DACH2: variants seen among roughly 807,000 people sequenced by gnomAD.
DACH2 encodes the protein dachshund homolog 2.
DACH2 carries 17 observed loss-of-function variants against 35.8 expected under a neutral mutation model. The ratio of observed to expected loss-of-function variants is 0.48; its 90% confidence interval spans 0.33 to 0.71. The LOEUF is 0.71. Among genes scored for constraint, DACH2 ranks in the 30% least tolerant of loss-of-function variants. DACH2 has a pLI of 0.02. For missense variants in DACH2, 469 were observed against 472.7 expected, an observed-to-expected ratio of 0.99 and a Z score of 0.07; for synonymous variants, 195 against 177.3, an observed-to-expected ratio of 1.10 and a Z score of -0.79.
intron 4 of DACH2, among the ~76,000 whole-genome samples, chrX:86,690,923 A>G (rs1429252814): frequency 1.8e-5 from 2 of 111,906 alleles, no homozygotes; most frequent in African/African-American, 3.2e-5. Flanking sequence ...TTGTGCTAAA[A>G]CAGTGATAAG....
intron 5 of DACH2, among the ~76,000 whole-genome samples, chrX:86,696,614 C>T (rs1203128382): frequency 9.0e-6 from 1 of 111,494 alleles, no homozygotes; most frequent in Non-Finnish European, 1.9e-5. Context: ...TCACAGAGCT[C>T]CACCATGCTG....
intron 11 of DACH2, chrX:86,830,402 T>C (rs1372968389): frequency 8.9e-6 from 1 of 111,881 alleles, no homozygotes; most frequent in African/African-American, 3.2e-5. Context: ...TCTCAATTTA[T>C]TGTATTCTGG....
chrX:86,409,304 G>A (rs1398152071), intron 2 of DACH2, among the ~76,000 whole-genome samples: 1 of 111,630 alleles, frequency 9.0e-6, no homozygotes, highest in Non-Finnish European at 1.9e-5. Context: ...AGCACATGGA[G>A]TAGTAATATG....
chrX:86,737,007 A>G (rs182969289), intron 6 of DACH2, among the ~76,000 whole-genome samples: 8 of 111,766 alleles, frequency 7.2e-5, no homozygotes, highest in African/African-American at 2.3e-4. Flanking sequence ...ATGGCCACAT[A>G]TATTAAATTC....
intron 3 of DACH2, among the ~76,000 whole-genome samples, chrX:86,582,181 A>G (rs1419224907): frequency 9.0e-6 from 1 of 111,451 alleles, no homozygotes; most frequent in African/African-American, 3.3e-5. Flanking sequence ...AAAACAAACT[A>G]GAATCTCTGG....
At chrX:86,399,959 A>G (rs1279156737) in intron 2 of DACH2, among the ~76,000 whole-genome samples, 1 of 111,764 alleles carries the variant, frequency 8.9e-6, no homozygotes, top group Admixed American at 9.5e-5. Flanking sequence ...TCTCCTGGAT[A>G]ATATCCTGCA....
At chrX:86,812,584 C>T (rs986621525) in intron 7 of DACH2, among the ~76,000 whole-genome samples, 1 of 111,558 alleles carries the variant, frequency 9.0e-6, no homozygotes, top group African/African-American at 3.3e-5. Context: ...TATTCATAAG[C>T]ACATATTGTC....
rs1002523066 is a variant in DACH2, at chrX:86,759,891, C to T, written c.1240+20009C>T. Among the ~76,000 whole-genome samples, 17 of 111,407 alleles carry T rather than the reference C, an allele frequency of 1.5e-4. 1 individual carries two copies. The highest frequency in any genetic ancestry group is 9.5e-4 in the Admixed American group (10 of 10,493). On this transcript the variant is annotated intron_variant, in intron 7 of 11. Transcript: ENST00000373125. ...GAGGTCTCCCTTGAGCATTTGTTGT[C>T]GGGACAGTATAGTGCCAGTTAATTC... is the stretch of plus-strand genomic sequence containing the variant.
intron 3 of DACH2, among the ~76,000 whole-genome samples, chrX:86,523,659 T>C (rs943352178): frequency 1.8e-5 from 2 of 110,207 alleles, no homozygotes; most frequent in Admixed American, 9.8e-5. Context: ...AATGAAATCA[T>C]AGGGGTGTGG....
chrX:86,225,888 A>C (rs2032813460), intron 1 of DACH2, among the ~76,000 whole-genome samples: 1 of 111,671 alleles, frequency 9.0e-6, no homozygotes, highest in Admixed American at 9.5e-5. Flanking sequence ...CATGATGGCC[A>C]AATGAAGGCT....
At chrX:86,539,309 G>A (rs2038847997) in intron 3 of DACH2, among the ~76,000 whole-genome samples, 1 of 110,985 alleles carries the variant, frequency 9.0e-6, no homozygotes, top group African/African-American at 3.3e-5. Flanking sequence ...AGTTTCCTGA[G>A]GTCTCCTCAT....
chrX:86,633,651 C>T (rs1440324263), intron 3 of DACH2, among the ~76,000 whole-genome samples: 1 of 111,258 alleles, frequency 9.0e-6, no homozygotes, highest in African/African-American at 3.3e-5. Context: ...AAGCACACAA[C>T]TAAAAAAGGA....
chrX:86,369,629 T>C (rs1182877545), intron 1 of DACH2, among the ~76,000 whole-genome samples: 4 of 111,879 alleles, frequency 3.6e-5, no homozygotes, highest in Non-Finnish European at 7.5e-5. Context: ...TTTTCACATC[T>C]AATTTAAGCT....
chrX:86,152,935 T>G (rs775504542), intron 1 of DACH2, among the ~76,000 whole-genome samples: 9 of 111,818 alleles, frequency 8.0e-5, no homozygotes, highest in Non-Finnish European at 1.5e-4. Context: ...ATGCAATAGA[T>G]TTTTCTTACT....
Position 86,813,155 on chromosome X carries a change from A to G in DACH2, c.1415A>G (p.Asn472Ser). The change falls in exon 9 of 12, where the codon AAT (asparagine) becomes AGT (serine). Residue 472 changes from asparagine (N) to serine (S), a missense_variant. Physicochemically the swap from Asn to Ser is conservative, Grantham distance 46. Coordinates refer to ENST00000373125, the MANE Select transcript of DACH2 (RefSeq NM_053281.3). ...GGTCTGCTGAAAGTTGCTTTGGATAATGCTCGCATCCAGGAGAAGCAGATT... is the reference window on the plus strand; with the variant it reads ...GGTCTGCTGAAAGTTGCTTTGGATAGTGCTCGCATCCAGGAGAAGCAGATT... ...IQGLLKVALD[N>S]ARIQEKQIQQ... 1 of 1,208,344 alleles carries G rather than the reference A, an allele frequency of 8.3e-7. No homozygotes were observed. The highest frequency in any genetic ancestry group is 2.2e-5 in the Admixed American group (1 of 45,574).
chrX:86,333,214 C>A (rs1048690333), intron 1 of DACH2, among the ~76,000 whole-genome samples: 2 of 111,533 alleles, frequency 1.8e-5, no homozygotes, highest in African/African-American at 3.3e-5. Flanking sequence ...TAGCAATGAC[C>A]ATTAAATCTA....
chrX:86,405,103 T>A (rs192252939), intron 2 of DACH2, among the ~76,000 whole-genome samples: 1 of 111,328 alleles, frequency 9.0e-6, no homozygotes, highest in African/African-American at 3.3e-5. Context: ...CATTTTTCCC[T>A]CCTAGGTCTT....
chrX:86,793,715 A>C (rs373678025), intron 7 of DACH2, among the ~76,000 whole-genome samples: 13 of 112,536 alleles, frequency 1.2e-4, no homozygotes, highest in African/African-American at 4.2e-4. Context: ...ACTCTGGCTC[A>C]TTCAAAACTT....
chrX:86,794,695 A>G (rs909765759), intron 7 of DACH2, among the ~76,000 whole-genome samples: 15 of 111,924 alleles, frequency 1.3e-4, no homozygotes, highest in African/African-American at 4.5e-4. Context: ...AAATGGGGGA[A>G]GAAAACACAT....
Sources: gnomAD v4.1 joint callset for allele counts (sites outside exome capture counted in the v4.1 genomes callset) on GRCh38, gnomAD v4.1.1 for gene constraint, MANE v1.5 for transcripts, NCBI Gene and HGNC (gene_info 2026-07-23, HGNC 2026-07-21) for gene names.